The following HTR4 variants were observed in gnomAD, a reference collection of about 807,000 sequenced individuals.
HTR4 encodes 5-hydroxytryptamine receptor 4, also known as 5-hydroxytryptamine (serotonin) receptor 4, G protein-coupled.
Under a neutral mutation model 36.8 loss-of-function variants are expected in HTR4, and 16 were observed. That is an observed-to-expected ratio of 0.43 (90% CI 0.29 to 0.66). HTR4 has a LOEUF of 0.66. Ranked by LOEUF, HTR4 falls within the 30% of genes least tolerant of loss-of-function variation. HTR4 has a pLI of 0.13. For missense variants in HTR4, 438 were observed against 490.9 expected, an observed-to-expected ratio of 0.89 and a Z score of 1.02; for synonymous variants, 189 against 185.1, an observed-to-expected ratio of 1.02 and a Z score of -0.17.
At chr5:148,527,413 C>A (rs925716034) in intron 4 of HTR4, among the ~76,000 whole-genome samples, 11 of 152,056 alleles carry the variant, frequency 7.2e-5, no homozygotes, top group Admixed American at 4.6e-4. Flanking sequence ...AGGGCTATTG[C>A]CAGTTTCCCT....
intron 2 of HTR4, among the ~76,000 whole-genome samples, chr5:148,624,992 A>G (rs888132675): frequency 2.6e-5 from 4 of 152,328 alleles, no homozygotes; most frequent in Admixed American, 6.5e-5. Flanking sequence ...ATAATTGATA[A>G]CAGCAATTTG....
At chr5:148,521,561 A>G (rs1440783984) in intron 5 of HTR4, among the ~76,000 whole-genome samples, 2 of 146,128 alleles carry the variant, frequency 1.4e-5, no homozygotes, top group African/African-American at 4.9e-5. Flanking sequence ...CTGGGAGTCT[A>G]GCTTGCTGAC....
chr5:148,523,165 A>G, intron 5 of HTR4, 28 bp downstream of exon 5: 1 of 1,594,970 alleles, frequency 6.3e-7, no homozygotes, highest in Non-Finnish European at 8.6e-7. Context: ...TCAGACAGTA[A>G]ACCAGTGAGG....
At chr5:148,456,974 T>C (rs368473174) in intron 5 of HTR4, among the ~76,000 whole-genome samples, 47 of 152,200 alleles carry the variant, frequency 3.1e-4, no homozygotes, top group Middle Eastern at 3.2e-3. Flanking sequence ...AACAAACGTT[T>C]ATTCACTTGT....
At chr5:148,637,092 A>T (rs763202154) in intron 1 of HTR4, 31 bp from the exon 2 acceptor site, 1 of 1,431,622 alleles carries the variant, frequency 7.0e-7, no homozygotes, top group Non-Finnish European at 9.8e-7. Context: ...AGATGTTATA[A>T]AAGAAAGCAG....
chr5:148,596,207 C>T (rs970666239), intron 2 of HTR4, among the ~76,000 whole-genome samples: 3 of 152,186 alleles, frequency 2.0e-5, no homozygotes, highest in Admixed American at 6.5e-5. Flanking sequence ...TTGTGAAAGT[C>T]TTAGTATGTG....
chr5:148,616,467 T>C (rs1752693806), intron 2 of HTR4, among the ~76,000 whole-genome samples: 1 of 152,154 alleles, frequency 6.6e-6, no homozygotes, highest in Non-Finnish European at 1.5e-5. Flanking sequence ...ACTCAGCTGA[T>C]AAATTACAAG....
intron 2 of HTR4, among the ~76,000 whole-genome samples, chr5:148,568,586 G>A (rs1261721695): frequency 2.0e-5 from 3 of 152,040 alleles, no homozygotes; most frequent in African/African-American, 7.2e-5. Context: ...ACATTTATAA[G>A]TAGCCAGGAA....
intron 2 of HTR4, among the ~76,000 whole-genome samples, chr5:148,611,535 C>T (rs1365988911): frequency 2.2e-5 from 3 of 134,186 alleles, no homozygotes; most frequent in Non-Finnish European, 4.8e-5. Context: ...AAGCGCTAAA[C>T]ATGTAAAGGA....
At chr5:148,474,325 T>C (rs1323685760), downstream of HTR4, among the ~76,000 whole-genome samples, 1 of 149,266 alleles carries the variant, frequency 6.7e-6, no homozygotes, top group Non-Finnish European at 1.5e-5. Flanking sequence ...AGAAAGAATG[T>C]GGGGGTGGTG....
At chr5:148,644,296 T>C (rs1753810386) in intron 1 of HTR4, among the ~76,000 whole-genome samples, 1 of 152,120 alleles carries the variant, frequency 6.6e-6, no homozygotes, top group African/African-American at 2.4e-5. Flanking sequence ...CTTTTCATTT[T>C]CTGTTTTAGT....
At chr5:148,549,982 G>C (rs1228713703) in intron 3 of HTR4, among the ~76,000 whole-genome samples, 155 bp downstream of exon 3, 1 of 152,174 alleles carries the variant, frequency 6.6e-6, no homozygotes, top group Non-Finnish European at 1.5e-5. Context: ...AGGATTAATT[G>C]CAATCCCTTT....
intron 5 of HTR4, among the ~76,000 whole-genome samples, chr5:148,462,400 C>G (rs1375141128): frequency 1.3e-5 from 2 of 151,660 alleles, no homozygotes; most frequent in African/African-American, 4.8e-5. Context: ...CAAAATATGC[C>G]CACAAATTTG....
At chr5:148,575,822 C>T (rs943947619) in intron 2 of HTR4, among the ~76,000 whole-genome samples, 2 of 151,640 alleles carry the variant, frequency 1.3e-5, no homozygotes, top group African/African-American at 2.4e-5. Flanking sequence ...GAAAACCGGC[C>T]CAAGACAAGG....
At position 148,615,626 on chromosome 5, in the gene HTR4, C is replaced by T. The variant is rs551007386; in HGVS notation, c.26+21363G>A. 4.0e-5 allele frequency among the ~76,000 whole-genome samples: 6 copies of T among 149,646 alleles called. No homozygotes were observed. The South Asian group carries it at 6.4e-4, about 16-fold the overall frequency. On this transcript the variant is annotated intron_variant, in intron 2 of 6. Coordinates refer to ENST00000377888, the MANE Select transcript of HTR4 (RefSeq NM_000870.7). ...AGCACACCAGCATGGCACATGTATA[C>T]GTATGTAACTAACCTGCACAATGTG...
chr5:148,576,110 CAA>C (rs781780161), intron 2 of HTR4, among the ~76,000 whole-genome samples: 70 of 32,708 alleles, frequency 2.1e-3, no homozygotes, highest in African/African-American at 8.9e-3. Flanking sequence ...GACTCCGTCT[CAA>C]AAAAAAAAAA....
chr5:148,570,716 G>T (rs902163852), intron 2 of HTR4, among the ~76,000 whole-genome samples: 1 of 152,070 alleles, frequency 6.6e-6, no homozygotes, highest in Non-Finnish European at 1.5e-5. Context: ...CATTAATTCG[G>T]TGATTGTTTT....
intron 5 of HTR4, among the ~76,000 whole-genome samples, chr5:148,459,195 G>A (rs1755202833): frequency 6.6e-6 from 1 of 152,060 alleles, no homozygotes; most frequent in Non-Finnish European, 1.5e-5. Flanking sequence ...TAGACTGTTA[G>A]AGACTCTGAG....
intron 4 of HTR4, among the ~76,000 whole-genome samples, chr5:148,528,312 G>C (rs540601994): frequency 3.9e-5 from 6 of 152,046 alleles, no homozygotes; most frequent in Non-Finnish European, 8.8e-5. Context: ...TTTGATTTTT[G>C]AGTGGGATTG....
Sources: gnomAD v4.1 joint callset for allele counts (sites outside exome capture counted in the v4.1 genomes callset) on GRCh38, gnomAD v4.1.1 for gene constraint, MANE v1.5 for transcripts, NCBI Gene and HGNC (gene_info 2026-07-23, HGNC 2026-07-21) for gene names.